Variants in MOGAT1 observed in about 807,000 individuals in gnomAD.
The protein encoded by MOGAT1 is 2-acylglycerol O-acyltransferase 1.
In MOGAT1, 32 loss-of-function variants were observed where a neutral mutation model predicts 31.4. The observed-to-expected ratio is 1.02, with a 90% CI of 0.77 to 1.37. MOGAT1 has a LOEUF of 1.37. MOGAT1 is among the 40% of genes most tolerant of loss of function. The probability of loss-of-function intolerance (pLI) is 0.00; values close to 1 mark genes in which losing one functional copy is unlikely to be tolerated. For missense variants in MOGAT1, 426 were observed against 402.0 expected (o/e 1.06, Z -0.51); for synonymous variants, 145 against 144.5 (o/e 1.00, Z -0.03).
At chr2:222,686,804 A>G (rs1692675775) in intron 1 of MOGAT1, among the ~76,000 whole-genome samples, 1 of 152,170 alleles carries the variant, frequency 6.6e-6, no homozygotes, top group South Asian at 2.1e-4. Context: ...AAATTTATTG[A>G]TTTATATGTA....
intron 1 of MOGAT1, among the ~76,000 whole-genome samples, chr2:222,675,523 A>T (rs1299669816): frequency 7.4e-6 from 1 of 135,802 alleles, no homozygotes. Flanking sequence ...TCTGTCGCCC[A>T]GGCTGGAGTG....
rs1692809271 is a variant in MOGAT1, at chr2:222,694,342, T to C, written c.479-20T>C. 6.3e-7 allele frequency: 1 copy of C among 1,577,496 alleles called. No homozygotes were observed. The highest frequency in any genetic ancestry group is 8.6e-7 in the Non-Finnish European group (1 of 1,161,428). ...TTGTTAGAAAAGGATAACTAGTTACTTTTTGTTTTATTCACTAAGGGCTGG... is the reference window on the plus strand; with the variant it reads ...TTGTTAGAAAAGGATAACTAGTTACCTTTTGTTTTATTCACTAAGGGCTGG... On this transcript the variant is annotated intron_variant, in intron 3 of 5. Coordinates refer to ENST00000446656, the MANE Select transcript of MOGAT1 (RefSeq NM_058165.3).
intron 1 of MOGAT1, among the ~76,000 whole-genome samples, chr2:222,678,706 C>T (rs542447259): frequency 4.6e-5 from 7 of 152,042 alleles, no homozygotes; most frequent in South Asian, 2.1e-4. Flanking sequence ...TTTGAGAGGC[C>T]GAGGCAGGTG....
intron 5 of MOGAT1, among the ~76,000 whole-genome samples, chr2:222,698,323 A>G (rs1156261671): frequency 1.3e-5 from 2 of 152,226 alleles, no homozygotes; most frequent in Admixed American, 6.5e-5. Flanking sequence ...GGGAGGTGAC[A>G]TTAGATGTTG....
At chr2:222,695,023 T>C in intron 4 of MOGAT1, 66 bp from the exon 5 acceptor site, 1 of 1,315,910 alleles carries the variant, frequency 7.6e-7, no homozygotes, top group South Asian at 1.6e-5. Context: ...AAGAGTCAGC[T>C]AAACAGAATA....
chr2:222,674,401 A>G (rs369616816), intron 1 of MOGAT1, among the ~76,000 whole-genome samples: 10 of 152,344 alleles, frequency 6.6e-5, no homozygotes, highest in African/African-American at 2.4e-4. Context: ...AATTTGCCAT[A>G]TATGTTTTAT....
chr2:222,686,834 C>T lies in MOGAT1; in HGVS notation c.95-1510C>T, dbSNP rs572243942. Among the ~76,000 whole-genome samples, 3 of 151,926 alleles carry T rather than the reference C, an allele frequency of 2.0e-5. No homozygotes were observed. The South Asian group carries it at 6.2e-4, about 32-fold the overall frequency. On this transcript the variant is annotated intron_variant, in intron 1 of 5. Coordinates refer to ENST00000446656, the MANE Select transcript of MOGAT1 (RefSeq NM_058165.3). ...TATGTATCAAGAAATATAAATAGTC[C>T]AGGTGCTGTGGCTGACACCTGTAAT...
intron 5 of MOGAT1, among the ~76,000 whole-genome samples, chr2:222,697,740 A>AT (rs1255889262): frequency 9.2e-5 from 14 of 151,716 alleles, no homozygotes; most frequent in Non-Finnish European, 1.9e-4. Context: ...CACTCAGCTA[A>AT]TTTTTTGTAT....
chr2:222,709,813 G>T lies in MOGAT1; in HGVS notation c.931G>T (p.Glu311Ter). The change falls in exon 6 of 6, where the codon GAG (glutamate) becomes TAG (stop). Residue 311 changes from glutamate (E) to a stop codon, truncating the protein, a stop_gained. Transcript: ENST00000446656. LOFTEE classifies it high-confidence loss of function. ...QIEELHQTYM[E>*]ELRKLFEEHK... ...TGAGGAGTTACATCAGACCTATATG[G>T]AGGAACTTAGGAAATTGTTTGAGGA... 1.2e-6 allele frequency: 2 copies of T among 1,613,576 alleles called. No individual in the cohort carries two copies. Among genetic ancestry groups the T allele is most frequent in the Non-Finnish European group, 1.7e-6 (2 of 1,179,646 alleles).
chr2:222,695,374 G>C, intron 5 of MOGAT1, 86 bp downstream of exon 5: 1 of 860,346 alleles, frequency 1.2e-6, no homozygotes, highest in Non-Finnish European at 1.7e-6. Flanking sequence ...AAGGGAAGTG[G>C]CTTTGAGTAA....
At chr2:222,692,220 T>C (rs531655649) in intron 3 of MOGAT1, among the ~76,000 whole-genome samples, 2 of 152,292 alleles carry the variant, frequency 1.3e-5, no homozygotes, top group South Asian at 4.1e-4. Flanking sequence ...ATAAGGGCTA[T>C]GCTAACAGTG....
chr2:222,684,381 G>T (rs1692630333), intron 1 of MOGAT1, among the ~76,000 whole-genome samples: 1 of 151,926 alleles, frequency 6.6e-6, no homozygotes. Context: ...ACTCCAGCCT[G>T]GGCAATGGAG....
intron 5 of MOGAT1, among the ~76,000 whole-genome samples, chr2:222,708,332 C>T (rs1048678384): frequency 6.6e-6 from 1 of 152,192 alleles, no homozygotes; most frequent in Non-Finnish European, 1.5e-5. Context: ...GATCCACCCG[C>T]CTCAGCCTCC....
In MOGAT1 at chr2:222,695,119, T is replaced by C. The variant is rs377098575; in HGVS notation, c.684T>C (p.Gly228=). 5 of 1,606,356 alleles carry C rather than the reference T, an allele frequency of 3.1e-6. No homozygotes were observed. The African/African-American group carries it at 5.4e-5, about 17-fold the overall frequency. ...CTCTGGTCCCAGTGGTTTCTTTTGGTGAAAATGAACTGTTTAAACAAACTG... is the reference window on the plus strand; with the variant it reads ...CTCTGGTCCCAGTGGTTTCTTTTGGCGAAAATGAACTGTTTAAACAAACTG... ...GASLVPVVSF[G]ENELFKQTDN... The change falls in exon 5 of 6, where the codon GGT becomes GGC. Residue 228 remains glycine (G), a synonymous_variant. Coordinates refer to ENST00000446656, the MANE Select transcript of MOGAT1 (RefSeq NM_058165.3).
At chr2:222,702,227 G>A (rs528961254) in intron 5 of MOGAT1, among the ~76,000 whole-genome samples, 1 of 152,314 alleles carries the variant, frequency 6.6e-6, no homozygotes, top group Middle Eastern at 3.4e-3. Flanking sequence ...AGAGACAAGA[G>A]GGAGGGGGTC....
intron 5 of MOGAT1, among the ~76,000 whole-genome samples, chr2:222,696,381 A>G (rs1351048016): frequency 6.6e-6 from 1 of 152,244 alleles, no homozygotes; most frequent in Non-Finnish European, 1.5e-5. Context: ...CATTCCTACC[A>G]GCAGTGTGAA....
chr2:222,708,609 A>G (rs190476561), intron 5 of MOGAT1, among the ~76,000 whole-genome samples: 383 of 152,370 alleles, frequency 2.5e-3, no homozygotes, highest in Middle Eastern at 6.8e-3. Flanking sequence ...GAAAATTTAT[A>G]TAACACAGTT....
At chr2:222,677,158 G>T (rs1692510852) in intron 1 of MOGAT1, among the ~76,000 whole-genome samples, 1 of 152,150 alleles carries the variant, frequency 6.6e-6, no homozygotes, top group South Asian at 2.1e-4. Context: ...GCAAGTAAAA[G>T]TTCTACCACA....
intron 1 of MOGAT1, among the ~76,000 whole-genome samples, chr2:222,677,139 A>G (rs890573734): frequency 9.9e-5 from 15 of 152,210 alleles, no homozygotes; most frequent in South Asian, 4.1e-4. Flanking sequence ...TACAACCAAA[A>G]CCAGACCAGC....
Sources: gnomAD v4.1 joint callset for allele counts (sites outside exome capture counted in the v4.1 genomes callset) on GRCh38, gnomAD v4.1.1 for gene constraint, MANE v1.5 for transcripts, NCBI Gene and HGNC (gene_info 2026-07-23, HGNC 2026-07-21) for gene names.